The following CDH18 variants were observed in gnomAD, a reference collection of about 807,000 sequenced individuals.
CDH18 encodes the protein cadherin-18.
A neutral mutation model predicts 67.9 loss-of-function variants in CDH18; 31 were observed. That is an observed-to-expected ratio of 0.46 (90% CI 0.34 to 0.62). The LOEUF (loss-of-function observed/expected upper bound fraction) is 0.62. Ranked by LOEUF, CDH18 falls within the 20% of genes least tolerant of loss-of-function variation. The pLI, the probability that CDH18 is intolerant of heterozygous loss-of-function variation, is 0.01. For missense variants in CDH18, 890 were observed against 975.5 expected (o/e 0.91, Z 1.17); for synonymous variants, 362 against 347.2 (o/e 1.04, Z -0.48).
At chr5:20,115,430 C>A (rs1747817792) in intron 2 of CDH18, among the ~76,000 whole-genome samples, 1 of 151,684 alleles carries the variant, frequency 6.6e-6, no homozygotes, top group African/African-American at 2.4e-5. Flanking sequence ...AGGCATGCAC[C>A]ACCATGCCCA....
chr5:20,331,933 G>A (rs1390263470), intron 1 of CDH18, among the ~76,000 whole-genome samples: 2 of 152,144 alleles, frequency 1.3e-5, no homozygotes, highest in African/African-American at 2.4e-5. Context: ...AGAGTGTTCA[G>A]CCTTAAGTGT....
rs1333969157 is a variant in CDH18, at chr5:19,778,258, G to A, written c.229-31022C>T. On this transcript the variant is annotated intron_variant, in intron 3 of 12. Coordinates refer to ENST00000382275, the MANE Select transcript of CDH18 (RefSeq NM_004934.5). ...CCTACATGATTAAATATGGGAGACTGAACTTCCCTCCCCGCAGCCAATATC... is the reference window on the plus strand; with the variant it reads ...CCTACATGATTAAATATGGGAGACTAAACTTCCCTCCCCGCAGCCAATATC... Among the ~76,000 whole-genome samples, 3 of 152,246 alleles carry A rather than the reference G, an allele frequency of 2.0e-5. No homozygotes were observed. In the East Asian group the frequency reaches 5.8e-4, roughly 29 times the overall value.
chr5:20,353,578 T>C lies in CDH18; in HGVS notation c.-579-98073A>G, dbSNP rs898465338. Among the ~76,000 whole-genome samples, 7 of 152,302 alleles carry C rather than the reference T, an allele frequency of 4.6e-5. No individual in the cohort carries two copies. The East Asian group carries it at 1.4e-3, about 29-fold the overall frequency. The stretch of plus-strand genomic sequence containing the variant: ...CTACATATTGTATTTTATTAGAATG[T>C]TCTCTTCTGACTCACCTGGAGTTCA... On this transcript the variant is annotated intron_variant, in intron 1 of 14. Transcript: ENST00000507958.
chr5:20,022,152 T>C (rs1004865121), intron 2 of CDH18, among the ~76,000 whole-genome samples: 1 of 152,226 alleles, frequency 6.6e-6, no homozygotes, highest in East Asian at 1.9e-4. Context: ...TTTATAACTT[T>C]AAACACCACA....
intron 2 of CDH18, among the ~76,000 whole-genome samples, chr5:20,252,124 C>T (rs1310226061): frequency 1.3e-5 from 2 of 152,056 alleles, no homozygotes; most frequent in South Asian, 2.1e-4. Context: ...GAGGCTGAAG[C>T]GGGTGGATCA....
At position 19,639,808 on chromosome 5, in the gene CDH18, A is replaced by G. The variant is rs984303240; in HGVS notation, c.644-27207T>C. Among the ~76,000 whole-genome samples the G allele has an allele frequency of 2.6e-5, 4 of 152,248 alleles. 1 individual carries two copies. The highest frequency in any genetic ancestry group is 4.1e-4 in the South Asian group (2 of 4,830). ...TATTGCAATCTTTCCATAATGCTGC[A>G]TATCAGCATTGCAATCAAATTGTAC... On this transcript the variant is annotated intron_variant, in intron 5 of 12. Coordinates refer to ENST00000382275, the MANE Select transcript of CDH18 (RefSeq NM_004934.5).
intron 1 of CDH18, among the ~76,000 whole-genome samples, chr5:20,314,648 C>G (rs1056032830): frequency 6.6e-6 from 1 of 152,066 alleles, no homozygotes; most frequent in South Asian, 2.1e-4. Flanking sequence ...TTGCTCAGAG[C>G]TTAAGCTTAT....
At chr5:19,882,723 T>G (rs1277318509) in intron 2 of CDH18, among the ~76,000 whole-genome samples, 1 of 152,000 alleles carries the variant, frequency 6.6e-6, no homozygotes, top group East Asian at 1.9e-4. Context: ...TCTCAGAAAA[T>G]TTTTCATTAA....
At chr5:20,003,732 A>AAC (rs1405906154) in intron 2 of CDH18, among the ~76,000 whole-genome samples, 1 of 152,028 alleles carries the variant, frequency 6.6e-6, no homozygotes, top group East Asian at 1.9e-4. Context: ...CTCTACTAAA[A>AAC]ACACACACAC....
intron 2 of CDH18, among the ~76,000 whole-genome samples, chr5:20,172,221 T>TATATATACAC (rs1554098770): frequency 1.3e-5 from 1 of 78,346 alleles, no homozygotes; most frequent in African/African-American, 5.6e-5. Flanking sequence ...TATATATATA[T>TATATATACAC]ATGTATATAT....
intron 2 of CDH18, among the ~76,000 whole-genome samples, chr5:19,977,154 T>A (rs1481790762): frequency 6.6e-6 from 1 of 151,734 alleles, no homozygotes. Context: ...AACAAAAAAA[T>A]AATTCAGGAA....
At chr5:19,769,862 T>C (rs1488318579) in intron 3 of CDH18, among the ~76,000 whole-genome samples, 1 of 151,852 alleles carries the variant, frequency 6.6e-6, no homozygotes, top group Non-Finnish European at 1.5e-5. Context: ...ATCTAGTATC[T>C]AGAATTTATA....
At chr5:19,659,520 TGA>T (rs1049147591) in intron 5 of CDH18, among the ~76,000 whole-genome samples, 18 of 152,142 alleles carry the variant, frequency 1.2e-4, no homozygotes, top group African/African-American at 4.1e-4. Context: ...GTATTAAATA[TGA>T]GAGTGCCAAA....
chr5:19,746,958 A>G lies in CDH18; in HGVS notation c.507T>C (p.Pro169=). Residue 169 remains proline (P), a synonymous_variant, in exon 4 of 13, where the codon CCT becomes CCC. Transcript: ENST00000382275. ...FTDGPYIVTV[P]EMSDMGTSVL... is the part of the protein sequence containing the mutation. ...TTTTCTTACCCATATCTGACATTTC[A>G]GGCACAGTAACAATGTATGGTCCAT... 4.3e-6 allele frequency: 7 copies of G among 1,612,414 alleles called. No homozygotes were observed. Among genetic ancestry groups the G allele is most frequent in the Non-Finnish European group, 5.9e-6 (7 of 1,178,468 alleles).
chr5:20,047,639 A>G (rs966436863), intron 2 of CDH18, among the ~76,000 whole-genome samples: 1 of 151,770 alleles, frequency 6.6e-6, no homozygotes, highest in Non-Finnish European at 1.5e-5. Context: ...GAAAAGTGCA[A>G]TCTCTTCAAA....
At chr5:20,358,401 AAC>A (rs1331830899) in intron 1 of CDH18, among the ~76,000 whole-genome samples, 18 of 152,198 alleles carry the variant, frequency 1.2e-4, no homozygotes, top group South Asian at 6.2e-4. Flanking sequence ...AGATATTAAA[AAC>A]ACATCCCATT....
chr5:19,896,082 C>T (rs911714722), intron 2 of CDH18, among the ~76,000 whole-genome samples: 9 of 151,990 alleles, frequency 5.9e-5, no homozygotes, highest in Admixed American at 3.9e-4. Flanking sequence ...CTTGGTCGGA[C>T]GCAGTGGCTC....
intron 2 of CDH18, among the ~76,000 whole-genome samples, chr5:20,231,752 G>A (rs1466903595): frequency 6.6e-6 from 1 of 152,102 alleles, no homozygotes; most frequent in Admixed American, 6.6e-5. Flanking sequence ...GTAACAAAAA[G>A]ATGTGTTCTG....
intron 3 of CDH18, among the ~76,000 whole-genome samples, chr5:19,792,656 A>G (rs1021185603): frequency 6.6e-6 from 1 of 152,180 alleles, no homozygotes; most frequent in African/African-American, 2.4e-5. Context: ...ATTTTATGTT[A>G]CAGGGCTTTT....
Sources: gnomAD v4.1 joint callset for allele counts (sites outside exome capture counted in the v4.1 genomes callset) on GRCh38, gnomAD v4.1.1 for gene constraint, MANE v1.5 for transcripts, NCBI Gene and HGNC (gene_info 2026-07-23, HGNC 2026-07-21) for gene names.